ELF2: variants seen among roughly 807,000 people sequenced by gnomAD.
ELF2 encodes E74 like ETS transcription factor 2.
A neutral mutation model predicts 54.8 loss-of-function variants in ELF2; 11 were observed. The observed-to-expected ratio is 0.20, with a 90% CI of 0.13 to 0.33. The LOEUF (loss-of-function observed/expected upper bound fraction) is 0.33. ELF2 is among the 10% of genes least tolerant of loss of function. ELF2 has a pLI of 1.00. For synonymous variants in ELF2, 203 were observed against 245.1 expected (o/e 0.83, Z 1.61); for missense variants, 513 against 703.0 (o/e 0.73, Z 3.06).
chr4:139,083,994 C>T (rs921617663), intron 4 of ELF2: 118 of 1,437,344 alleles, frequency 8.2e-5, no homozygotes, highest in Non-Finnish European at 1.1e-4. Flanking sequence ...TCACTCCCCC[C>T]TTTCCCCCAG....
rs554805813 is a variant in ELF2, at chr4:139,072,990, CA to C, written c.352+463del. 4.4e-3 allele frequency among the ~76,000 whole-genome samples: 676 copies of C among 152,034 alleles called. 9 individuals are homozygous for C. The highest frequency in any genetic ancestry group is 0.015 in the African/African-American group (642 of 41,482). On this transcript the variant is annotated intron_variant, in intron 5 of 9. Transcript: ENST00000686138. ...TTTTCTTAAAGACTAAGAGGGACCA[CA>C]AAAAAATAAAAACTCACACTGAAGG... is the stretch of plus-strand genomic sequence containing the variant.
chr4:139,121,195 G>A (rs996222720), intron 4 of ELF2, among the ~76,000 whole-genome samples: 6 of 127,906 alleles, frequency 4.7e-5, no homozygotes, highest in East Asian at 5.1e-4. Context: ...TGCAAGCTCC[G>A]CCTCCCGGGT....
At chr4:139,107,293 T>C (rs1489471597) in intron 4 of ELF2, among the ~76,000 whole-genome samples, 1 of 152,236 alleles carries the variant, frequency 6.6e-6, no homozygotes, top group Non-Finnish European at 1.5e-5. Context: ...TGACCCCCTC[T>C]GAGTGATAGG....
In ELF2 at chr4:139,139,421, T is replaced by G. The variant is rs1560857229; in HGVS notation, c.-175A>C. The G allele has an allele frequency of 1.6e-6, 2 of 1,226,780 alleles. No homozygotes were observed. Among genetic ancestry groups the G allele is most frequent in the Non-Finnish European group, 2.0e-6 (2 of 984,050 alleles). The allele number at this position is 1,226,780 out of a possible 1,614,324, so 76.0% of individuals were successfully genotyped here. On this transcript the variant is annotated 5_prime_UTR_variant, in exon 2 of 10. Transcript: ENST00000686138. The stretch of plus-strand genomic sequence containing the variant: ...AAATAAATTTTACTTACAGTTTGTA[T>G]GTTAAGTAGTCTAAGCATCCTTCAC...
At chr4:139,170,720 A>ATAT (rs1742216029) in intron 1 of ELF2, among the ~76,000 whole-genome samples, 1 of 144,400 alleles carries the variant, frequency 6.9e-6, no homozygotes, top group South Asian at 2.1e-4. Context: ...ACATTACATT[A>ATAT]TATTATATTA....
intron 1 of ELF2, among the ~76,000 whole-genome samples, chr4:139,159,676 A>C (rs906011133): frequency 3.3e-5 from 5 of 152,068 alleles, no homozygotes; most frequent in Non-Finnish European, 5.9e-5. Context: ...ATGCCTTTTG[A>C]TGGCTGCTTT....
intron 1 of ELF2, among the ~76,000 whole-genome samples, chr4:139,148,735 T>A (rs1338263874): frequency 6.6e-6 from 1 of 152,174 alleles, no homozygotes; most frequent in Non-Finnish European, 1.5e-5. Flanking sequence ...TTTTCATTTC[T>A]TTCGCATATA....
At chr4:139,085,880 T>A (rs1201098243) in intron 4 of ELF2, among the ~76,000 whole-genome samples, 1 of 152,186 alleles carries the variant, frequency 6.6e-6, no homozygotes, top group Non-Finnish European at 1.5e-5. Flanking sequence ...TGCAGTGAGC[T>A]GTGATCGCAC....
intron 1 of ELF2, among the ~76,000 whole-genome samples, chr4:139,160,925 T>C (rs1012706128): frequency 9.2e-5 from 14 of 152,288 alleles, no homozygotes; most frequent in African/African-American, 3.4e-4. Flanking sequence ...ACAGTGCCAC[T>C]GCAGTCCAGC....
intron 4 of ELF2, 27 bp from the exon 5 acceptor site, chr4:139,073,594 T>C (rs1729836580): frequency 1.4e-6 from 2 of 1,383,464 alleles, no homozygotes; most frequent in South Asian, 1.5e-5. Flanking sequence ...TTCTACTCAA[T>C]TAAAAATACA....
At chr4:139,123,417 G>A (rs1306608586) in intron 4 of ELF2, among the ~76,000 whole-genome samples, 2 of 151,850 alleles carry the variant, frequency 1.3e-5, no homozygotes, top group Non-Finnish European at 2.9e-5. Flanking sequence ...TAATATCTCT[G>A]CCCAGCAAAT....
rs770123468 is a variant in ELF2, at chr4:139,073,543, T to C, written c.263A>G (p.Asn88Ser). Reference sequence around the variant, plus strand: ...AATTGTCTTATCTGTACAGTGTGCATTACTGCTGTGAACTGATGCTTCCAC... The same window carrying C: ...AATTGTCTTATCTGTACAGTGTGCACTACTGCTGTGAACTGATGCTTCCAC... ...ETVEASVHSSNAHCTDKTIEA... is the reference protein window; with the variant it reads ...ETVEASVHSSSAHCTDKTIEA... The change falls in exon 5 of 10, where the codon AAT becomes AGT. Residue 88 changes from asparagine to serine, a missense_variant. Asn to Ser is a conservative substitution (Grantham distance 46, BLOSUM62 1). Coordinates refer to ENST00000686138, the MANE Select transcript of ELF2 (RefSeq NM_001331036.3). 1.8e-5 allele frequency: 29 copies of C among 1,589,566 alleles called. No individual in the cohort carries two copies. In the Admixed American group the frequency reaches 4.8e-4, roughly 26 times the overall value.
chr4:139,068,541 C>CA (rs971924727), intron 6 of ELF2, among the ~76,000 whole-genome samples: 19 of 152,286 alleles, frequency 1.2e-4, no homozygotes, highest in African/African-American at 4.6e-4. Flanking sequence ...ATAAGTGTTT[C>CA]AATTTCCCCA....
At chr4:139,173,281 A>T (rs1173293472) in intron 1 of ELF2, among the ~76,000 whole-genome samples, 1 of 152,168 alleles carries the variant, frequency 6.6e-6, no homozygotes, top group Non-Finnish European at 1.5e-5. Context: ...GTATCAGGTA[A>T]GTCAAAAGCT....
rs763877504 is a variant in ELF2, at chr4:139,058,998, C to T, written c.1767G>A (p.Val589=). 6.2e-7 allele frequency: 1 copy of T among 1,611,486 alleles called. No homozygotes were observed. The highest frequency in any genetic ancestry group is 1.7e-5 in the Admixed American group (1 of 59,728). ...AGCTGCTATTTTATTTCTCACATGTCACTAGTCCTTCTGTTTTCATAGTTA... is the reference window on the plus strand; with the variant it reads ...AGCTGCTATTTTATTTCTCACATGTTACTAGTCCTTCTGTTTTCATAGTTA... The part of the protein sequence containing the change: ...LPVTMKTEGL[V]TCEK The change falls in exon 10 of 10, where the codon GTG becomes GTA. Residue 589 remains valine, a synonymous_variant. Transcript: ENST00000686138.
rs747045431 is a variant in ELF2 at position 139,073,529 on chromosome 4, C to A, written c.277G>T (p.Asp93Tyr). 13 of 1,608,430 alleles carry A rather than the reference C, an allele frequency of 8.1e-6. No individual in the cohort carries two copies. The South Asian group carries it at 1.4e-4, about 18-fold the overall frequency. ...GCTTCAGCAGCTTCAATTGTCTTAT[C>A]TGTACAGTGTGCATTACTGCTGTGA... Reference protein sequence around the residue: ...SVHSSNAHCTDKTIEAAEALL... With the variant: ...SVHSSNAHCTYKTIEAAEALL... Residue 93 changes from aspartate (D) to tyrosine (Y), a missense_variant, in exon 5 of 10, where the codon GAT (aspartate) becomes TAT (tyrosine). This residue lies in a region of ELF2 where 203 missense variants were observed against 245.9 expected (regional missense o/e 0.83). Transcript: ENST00000686138.
chr4:139,159,691 GCTAC>G (rs1261022855), intron 1 of ELF2, among the ~76,000 whole-genome samples: 1 of 152,088 alleles, frequency 6.6e-6, no homozygotes, highest in Non-Finnish European at 1.5e-5. Context: ...TGCTTTTTTA[GCTAC>G]CTTATCAGCG....
At chr4:139,067,502 C>T (rs1038162909) in intron 7 of ELF2, 182 bp downstream of exon 7, 3 of 569,866 alleles carry the variant, frequency 5.3e-6, no homozygotes, top group Non-Finnish European at 9.2e-6. Context: ...GGTGTAGGAA[C>T]TGGGCACAGA....
chr4:139,076,192 C>T (rs1483504172), intron 4 of ELF2, among the ~76,000 whole-genome samples: 1 of 152,124 alleles, frequency 6.6e-6, no homozygotes, highest in Non-Finnish European at 1.5e-5. Flanking sequence ...CTGGGTCTCT[C>T]CAGTTGCTCT....
Sources: allele counts gnomAD v4.1 joint callset (sites outside exome capture counted in the v4.1 genomes callset), GRCh38; gene constraint gnomAD v4.1.1; regional missense constraint gnomAD v4.1.1; transcripts MANE v1.5; gene names NCBI Gene and HGNC (gene_info 2026-07-23, HGNC 2026-07-21).